Variants in TOP1 observed in about 807,000 individuals in gnomAD.
TOP1 encodes the protein DNA topoisomerase 1.
TOP1 carries 10 observed loss-of-function variants against 111.1 expected under a neutral mutation model. The ratio of observed to expected loss-of-function variants is 0.09; its 90% CI spans 0.06 to 0.15. The LOEUF (loss-of-function observed/expected upper bound fraction) is 0.15, where lower values mean the gene tolerates loss of function less well. Ranked by LOEUF, TOP1 falls within the 10% of genes least tolerant of loss-of-function variation. The pLI, the probability that TOP1 is intolerant of heterozygous loss-of-function variation, is 1.00. For synonymous variants in TOP1, 271 were observed against 302.9 expected (o/e 0.89, Z 1.10); for missense variants, 474 against 926.7 (o/e 0.51, Z 6.34).
intron 9 of TOP1, among the ~76,000 whole-genome samples, chr20:41,093,569 C>A (rs2033945934): frequency 6.6e-6 from 1 of 152,160 alleles, no homozygotes; most frequent in South Asian, 2.1e-4. Flanking sequence ...CCCCATTTCT[C>A]CACCATTTTT....
In TOP1 at chr20:41,092,080, C is replaced by T. The variant is rs149141932; in HGVS notation, c.615-392C>T. ...GTTTTCTCCTCTACCTTCCATCTGA[C>T]GTCACCACTCTGAGGAGGCCTTTTC... On this transcript the variant is annotated intron_variant, in intron 8 of 20. Transcript: ENST00000361337. The surrounding 1 kb of genome is among the most constrained non-coding windows in gnomAD (Gnocchi z 4.3). Among the ~76,000 whole-genome samples, 5 of 152,244 alleles carry T rather than the reference C, an allele frequency of 3.3e-5. No homozygotes were observed. The highest frequency in any genetic ancestry group is 2.1e-4 in the South Asian group (1 of 4,818).
chr20:41,041,772 AC>A (rs1213466380), intron 2 of TOP1, among the ~76,000 whole-genome samples: 1 of 152,046 alleles, frequency 6.6e-6, no homozygotes, highest in African/African-American at 2.4e-5. Flanking sequence ...GTGACCCATA[AC>A]CTCCTTTGGA....
chr20:41,037,731 A>G (rs547045467), intron 2 of TOP1, among the ~76,000 whole-genome samples: 3 of 152,334 alleles, frequency 2.0e-5, no homozygotes, highest in South Asian at 2.1e-4. Flanking sequence ...TTTTTTTGGA[A>G]GTGTTACTTA....
chr20:41,115,493 T>C lies in TOP1; in HGVS notation c.1707+54T>C. 2 of 1,377,670 alleles carry C rather than the reference T, an allele frequency of 1.5e-6. No individual in the cohort carries two copies. The highest frequency in any genetic ancestry group is 2.1e-6 in the Non-Finnish European group (2 of 966,176). The allele number at this position is 1,377,670 out of a possible 1,614,324, so 85.3% of individuals were successfully genotyped here. A position where few individuals can be genotyped will look rare whatever the true frequency, so the allele number is the denominator to read the frequency against. ...GGGAGTCCCAGCCAGAGCCTCACAG[T>C]ACCTAAAGGGGAGGGTTGCTGGCAG... On this transcript the variant is annotated intron_variant, in intron 16 of 20. Coordinates refer to ENST00000361337, the MANE Select transcript of TOP1 (RefSeq NM_003286.4). This position sits in a 1 kb window ranked among gnomAD's most constrained non-coding sequence, Gnocchi z 6.3.
intron 13 of TOP1, among the ~76,000 whole-genome samples, chr20:41,111,636 G>A (rs1308743324): frequency 1.6e-5 from 2 of 123,402 alleles, no homozygotes; most frequent in Non-Finnish European, 3.1e-5. Context: ...ATGCTCTGTT[G>A]CCCAGGCTGA....
At chr20:41,037,854 G>A (rs2033208865) in intron 2 of TOP1, among the ~76,000 whole-genome samples, 1 of 152,164 alleles carries the variant, frequency 6.6e-6, no homozygotes, top group African/African-American at 2.4e-5. Context: ...TATCACAGAA[G>A]CATCACAACA....
At position 41,073,431 on chromosome 20, in the gene TOP1, G is replaced by C. The variant is rs962814680; in HGVS notation, c.156-2740G>C. 5 of 984,758 alleles carry C rather than the reference G, an allele frequency of 5.1e-6. No individual in the cohort carries two copies. The African/African-American group carries it at 7.0e-5, about 14-fold the overall frequency. The allele number at this position is 984,758 out of a possible 1,614,324, so 61.0% of individuals were successfully genotyped here. On this transcript the variant is annotated intron_variant, in intron 3 of 20. Transcript: ENST00000361337. ...AGAAAAGAAACAAGCAACCCCAAAGGTTTTTATCCTTTCAGGTATCCAAAC... is the reference window on the plus strand; with the variant it reads ...AGAAAAGAAACAAGCAACCCCAAAGCTTTTTATCCTTTCAGGTATCCAAAC...
chr20:41,038,126 G>A (rs576349275), intron 2 of TOP1, among the ~76,000 whole-genome samples: 8 of 151,752 alleles, frequency 5.3e-5, no homozygotes, highest in African/African-American at 9.7e-5. Flanking sequence ...TTTTTCTTTC[G>A]TTTTCCTCTG....
At chr20:41,040,726 A>G (rs1196997557) in intron 2 of TOP1, among the ~76,000 whole-genome samples, 1 of 151,328 alleles carries the variant, frequency 6.6e-6, no homozygotes, top group Admixed American at 6.6e-5. Flanking sequence ...GAATCACTTG[A>G]ACCTGGGAGG....
chr20:41,059,179 G>A (rs1338917122), intron 2 of TOP1, among the ~76,000 whole-genome samples: 1 of 152,002 alleles, frequency 6.6e-6, no homozygotes, highest in Non-Finnish European at 1.5e-5. Context: ...AGGGTGGAGG[G>A]TGAGAGGAGG....
intron 3 of TOP1, among the ~76,000 whole-genome samples, chr20:41,062,487 T>C (rs1372729139): frequency 6.6e-6 from 1 of 152,234 alleles, no homozygotes; most frequent in African/African-American, 2.4e-5. Flanking sequence ...CTCTTATCAC[T>C]TGATCATCTA....
At chr20:41,039,242 T>C (rs767514049) in intron 2 of TOP1, among the ~76,000 whole-genome samples, 3 of 152,232 alleles carry the variant, frequency 2.0e-5, no homozygotes, top group Non-Finnish European at 4.4e-5. Context: ...GTTGTAGGTA[T>C]ATACAGTCAC....
chr20:41,076,270 C>G lies in TOP1; in HGVS notation c.255C>G (p.Asp85Glu). Residue 85 changes from aspartate to glutamate, a missense_variant, in exon 4 of 21, where the codon GAC (aspartate) becomes GAG (glutamate). Physicochemically the swap from Asp to Glu is conservative, Grantham distance 45. Coordinates refer to ENST00000361337, the MANE Select transcript of TOP1 (RefSeq NM_003286.4). ...EKHKDKHKDRDKEKRKEEKVR... is the reference protein window; with the variant it reads ...EKHKDKHKDREKEKRKEEKVR... ...ATAAAGACAAACATAAAGACAGAGA[C>G]AAGGAAAAACGAAAAGAGGAAAAGG... 1 of 1,607,910 alleles carries G rather than the reference C, an allele frequency of 6.2e-7. No homozygotes were observed. The highest frequency in any genetic ancestry group is 1.1e-5 in the South Asian group (1 of 90,280).
chr20:41,040,116 C>T (rs2033242597), intron 2 of TOP1, among the ~76,000 whole-genome samples: 1 of 152,176 alleles, frequency 6.6e-6, no homozygotes, highest in Admixed American at 6.5e-5. Flanking sequence ...AGAGAATAAA[C>T]TCTACTTAAA....
intron 3 of TOP1, among the ~76,000 whole-genome samples, chr20:41,074,850 C>A (rs1179996394): frequency 1.3e-5 from 2 of 152,136 alleles, no homozygotes; most frequent in Admixed American, 6.6e-5. Flanking sequence ...ACTGCCTGTC[C>A]CAGTGTACTG....
chr20:41,119,248 T>G (rs1220616886), intron 18 of TOP1, among the ~76,000 whole-genome samples: 3 of 152,248 alleles, frequency 2.0e-5, no homozygotes, highest in Non-Finnish European at 4.4e-5. Flanking sequence ...CATCTATTGA[T>G]GATAAAGTCA....
At chr20:41,104,514 A>G (rs1185326483) in intron 13 of TOP1, among the ~76,000 whole-genome samples, 1 of 152,268 alleles carries the variant, frequency 6.6e-6, no homozygotes, top group African/African-American at 2.4e-5. Context: ...CTTGTTAGAT[A>G]GACCAGGTGA....
At chr20:41,070,656 C>T (rs970150246) in intron 3 of TOP1, among the ~76,000 whole-genome samples, 4 of 152,242 alleles carry the variant, frequency 2.6e-5, no homozygotes, top group Non-Finnish European at 5.9e-5. Context: ...TGCTGTCTCA[C>T]AGGAATCCCC....
Position 41,106,087 on chromosome 20 carries a change from G to A in TOP1, c.1308+4734G>A, listed in dbSNP as rs2034141130. Among the ~76,000 whole-genome samples, 1 of 150,572 alleles carries A rather than the reference G, an allele frequency of 6.6e-6. No homozygotes were observed. The highest frequency in any genetic ancestry group is 2.4e-5 in the African/African-American group (1 of 40,834). ...TCCACTAGAATGTATTTTTGCATTG[G>A]GATGAAGTTGAAACCTAATATATTT... is the stretch of plus-strand genomic sequence containing the variant. On this transcript the variant is annotated intron_variant, in intron 13 of 20. Coordinates refer to ENST00000361337, the MANE Select transcript of TOP1 (RefSeq NM_003286.4). The surrounding 1 kb of genome is among the most constrained non-coding windows in gnomAD (Gnocchi z 4.3).
Sources: gnomAD v4.1 joint callset for allele counts (sites outside exome capture counted in the v4.1 genomes callset) on GRCh38, gnomAD v4.1.1 for gene constraint, Gnocchi (gnomAD v3.1) non-coding constraint, MANE v1.5 for transcripts, NCBI Gene and HGNC (gene_info 2026-07-23, HGNC 2026-07-21) for gene names.